Variants in RECQL observed in about 807,000 individuals in gnomAD.
The protein encoded by RECQL is RecQ like helicase, also known as ATP-dependent DNA helicase Q1.
In RECQL, 73 loss-of-function variants were observed where a neutral mutation model predicts 75.8. The ratio of observed to expected loss-of-function variants is 0.96; its 90% confidence interval spans 0.80 to 1.17. RECQL has a LOEUF of 1.17. Among genes scored for constraint, RECQL ranks in the 50% most tolerant of loss-of-function variants. The pLI, the probability that RECQL is intolerant of heterozygous loss-of-function variation, is 0.00. For synonymous variants in RECQL, 248 were observed against 254.4 expected (o/e 0.97, Z 0.24); for missense variants, 699 against 772.1 (o/e 0.91, Z 1.12).
Position 21,475,716 on chromosome 12 carries a change from T to G in RECQL, c.1058A>C (p.Lys353Thr). ...TGACCATTTTCTATGAACTGTGGTC[T>G]TATCTTCTGGCTCCAAATTGGCATG... ...AYHANLEPED[K>T]TTVHRKWSAN... is the part of the protein sequence containing the mutation. Residue 353 changes from lysine to threonine, a missense_variant, in exon 9 of 15, where the codon AAG becomes ACG. This residue lies in a region of RECQL where 669 missense variants were observed against 713.5 expected (regional missense o/e 0.94). Coordinates refer to ENST00000444129, the MANE Select transcript of RECQL (RefSeq NM_002907.4). The G allele has an allele frequency of 6.2e-7, 1 of 1,613,534 alleles. No individual in the cohort carries two copies. Among genetic ancestry groups the G allele is most frequent in the Non-Finnish European group, 8.5e-7 (1 of 1,179,550 alleles).
chr12:21,477,703 G>T, intron 7 of RECQL, 100 bp downstream of exon 7: 2 of 905,052 alleles, frequency 2.2e-6, no homozygotes, highest in South Asian at 2.4e-5. Flanking sequence ...AAAAATTTTT[G>T]TAAGTACTTA....
At chr12:21,482,661 G>A (rs1362198397) in intron 6 of RECQL, among the ~76,000 whole-genome samples, 2 of 152,156 alleles carry the variant, frequency 1.3e-5, no homozygotes, top group African/African-American at 2.4e-5. Context: ...GTGTCTGGAC[G>A]GGAAACAGAG....
At chr12:21,499,334 T>C (rs141893576) in intron 2 of RECQL, among the ~76,000 whole-genome samples, 80 of 152,302 alleles carry the variant, frequency 5.3e-4, no homozygotes, top group African/African-American at 1.9e-3. Context: ...TGGAGATGGA[T>C]AGTGGTGACG....
chr12:21,491,731 G>A lies in RECQL; in HGVS notation c.17-15C>T, dbSNP rs200928682. The A allele has an allele frequency of 8.5e-5, 136 of 1,597,424 alleles. No homozygotes were observed. Among genetic ancestry groups the A allele is most frequent in the Middle Eastern group, 3.3e-4 (2 of 5,984 alleles). The stretch of plus-strand genomic sequence containing the variant: ...CTCAGTTAGAGCTATGGGAGGCAGC[G>A]CGGATACAATGATTAGACAGAGTAA... On this transcript the variant is annotated splice_polypyrimidine_tract_variant and intron_variant, in intron 2 of 14. Transcript: ENST00000444129.
chr12:21,483,693 G>A, intron 5 of RECQL, 119 bp from the exon 6 acceptor site: 1 of 701,478 alleles, frequency 1.4e-6, no homozygotes. Flanking sequence ...GCTCTTCTAG[G>A]AGCAGATGTT....
At chr12:21,500,823 C>T (rs73071386) in intron 1 of RECQL, among the ~76,000 whole-genome samples, 3,959 of 152,260 alleles carry the variant, frequency 0.026, 62 homozygotes, top group Middle Eastern at 0.037. Context: ...ATATCCAATT[C>T]TCCCCCACGA....
intron 4 of RECQL, 45 bp downstream of exon 4, chr12:21,490,154 G>T: frequency 9.0e-7 from 1 of 1,117,138 alleles, no homozygotes; most frequent in South Asian, 1.7e-5. Context: ...AAGGTATGAT[G>T]ACAAAGCACT....
Position 21,471,624 on chromosome 12 carries a change from C to CTGTT in RECQL, c.1467_1470dup (p.Glu491AsnfsTer19). 1 of 1,612,468 alleles carries CTGTT rather than the reference C, an allele frequency of 6.2e-7. No homozygotes were observed. The highest frequency in any genetic ancestry group is 8.5e-7 in the Non-Finnish European group (1 of 1,178,908). Reference sequence around the variant, plus strand: ...ATCTTGATTAGATCTCTGCAGTACTCTGTTATGTTCTTTCTTTCAAATGCT... The same window carrying CTGTT: ...ATCTTGATTAGATCTCTGCAGTACTCTGTTTGTTATGTTCTTTCTTTCAAATGCT... On this transcript the variant is annotated frameshift_variant, in exon 13 of 15. Coordinates refer to ENST00000444129, the MANE Select transcript of RECQL (RefSeq NM_002907.4). LOFTEE classifies it high-confidence loss of function.
At position 21,474,862 on chromosome 12, in the gene RECQL, G is replaced by T; in HGVS notation, c.1334C>A (p.Ser445Ter). The T allele has an allele frequency of 6.2e-7, 1 of 1,612,880 alleles. No individual in the cohort carries two copies. Among genetic ancestry groups the T allele is most frequent in the Non-Finnish European group, 8.5e-7 (1 of 1,179,032 alleles). The change falls in exon 11 of 15, where the codon TCA becomes TAA. Residue 445 changes from serine to a stop codon, truncating the protein, a stop_gained. Coordinates refer to ENST00000444129, the MANE Select transcript of RECQL (RefSeq NM_002907.4). LOFTEE classifies it high-confidence loss of function. ...VGQQKLYEMV[S>*]YCQNISKCRR... ...TTACTTGCTTATGTTTTGACAGTAT[G>T]ATACCATCTCATAAAGCTTCTGCTG...
chr12:21,475,121 T>G lies in RECQL; in HGVS notation c.1217-142A>C, dbSNP rs1591972938. ...GATGTGGAAGTTAATTTGTAATGGGTACCCTCAAATTAAAAAAAACTCTAA... is the reference window on the plus strand; with the variant it reads ...GATGTGGAAGTTAATTTGTAATGGGGACCCTCAAATTAAAAAAAACTCTAA... On this transcript the variant is annotated intron_variant, in intron 10 of 14. Coordinates refer to ENST00000444129, the MANE Select transcript of RECQL (RefSeq NM_002907.4). 3 of 762,938 alleles carry G rather than the reference T, an allele frequency of 3.9e-6. No homozygotes were observed. The East Asian group carries it at 8.1e-5, about 21-fold the overall frequency. 47.3% of individuals were successfully genotyped at this position (762,938 alleles called of 1,614,324 possible).
In RECQL at chr12:21,475,737, G is replaced by T. The variant is rs1943073811; in HGVS notation, c.1037C>A (p.Ala346Asp). The change falls in exon 9 of 15, where the codon GCC becomes GAC. Residue 346 changes from alanine to aspartate, a missense_variant. Ala to Asp is a moderately radical substitution (Grantham distance 126). This residue lies in a region of RECQL where 669 missense variants were observed against 713.5 expected (regional missense o/e 0.94). Transcript: ENST00000444129. ...GGTCTTATCTTCTGGCTCCAAATTG[G>T]CATGGTAAGCACCTGCATGAATTCC... ...NLGIHAGAYHANLEPEDKTTV... is the reference protein window; with the variant it reads ...NLGIHAGAYHDNLEPEDKTTV... The T allele has an allele frequency of 6.2e-7, 1 of 1,613,398 alleles. No homozygotes were observed. The highest frequency in any genetic ancestry group is 8.5e-7 in the Non-Finnish European group (1 of 1,179,536).
At chr12:21,471,768 G>T in intron 12 of RECQL, 121 bp from the exon 13 acceptor site, 1 of 719,426 alleles carries the variant, frequency 1.4e-6, no homozygotes, top group Non-Finnish European at 2.3e-6. Flanking sequence ...CCTAAACATT[G>T]ATTTTTAAAT....
chr12:21,471,544 A>G lies in RECQL; in HGVS notation c.1551T>C (p.Asp517=), dbSNP rs1942964870. Residue 517 remains aspartate (D), a synonymous_variant, in exon 13 of 15, where the codon GAT becomes GAC. Coordinates refer to ENST00000444129, the MANE Select transcript of RECQL (RefSeq NM_002907.4). ...NEKLTPLKLI[D]SWMGKGAAKL... is the part of the protein sequence containing the mutation. ...TTGCTGCACCCTTTCCCATCCAAGA[A>G]TCAATCAGTTTCAATGGAGTGAGTT... The G allele has an allele frequency of 1.2e-6, 2 of 1,612,410 alleles. No individual in the cohort carries two copies. Among genetic ancestry groups the G allele is most frequent in the South Asian group, 2.2e-5 (2 of 90,784 alleles).
At chr12:21,488,311 T>C (rs1943344549) in intron 4 of RECQL, among the ~76,000 whole-genome samples, 1 of 152,222 alleles carries the variant, frequency 6.6e-6, no homozygotes, top group Non-Finnish European at 1.5e-5. Context: ...TCCTATATGT[T>C]GCTACTCTTT....
chr12:21,484,753 TG>T (rs1943257464), intron 5 of RECQL, among the ~76,000 whole-genome samples: 1 of 129,754 alleles, frequency 7.7e-6, no homozygotes, highest in Non-Finnish European at 1.7e-5. Flanking sequence ...ATATACATAT[TG>T]ATATATATAT....
At position 21,468,949 on chromosome 12, in the gene RECQL, C is replaced by CTT; in HGVS notation, c.*1243_*1244dup. 1.9e-6 allele frequency: 1 copy of CTT among 534,546 alleles called. No individual in the cohort carries two copies. The highest frequency in any genetic ancestry group is 2.2e-5 in the South Asian group (1 of 44,758). The allele number at this position is 534,546 out of a possible 1,614,324, so 33.1% of individuals were successfully genotyped here. On this transcript the variant is annotated 3_prime_UTR_variant, in exon 15 of 15. Coordinates refer to ENST00000444129, the MANE Select transcript of RECQL (RefSeq NM_002907.4). ...GTTCAAAGTTTATTTATAGATATAT[C>CTT]TTTCCAATACAACACTGACCGCTTA... is the stretch of plus-strand genomic sequence containing the variant.
chr12:21,484,984 C>T (rs963094841), intron 5 of RECQL, among the ~76,000 whole-genome samples: 6 of 151,824 alleles, frequency 4.0e-5, no homozygotes, highest in Non-Finnish European at 5.9e-5. Flanking sequence ...AAAAGTATAA[C>T]TAATACATGA....
chr12:21,475,804 G>A lies in RECQL; in HGVS notation c.970C>T (p.Gln324Ter), dbSNP rs1387446307. ...ACCGTAACTTGTTCAGAGTCTTTCT[G>A]AGAAAAACAATATATGATTCCTGCA... ...GQSGIIYCFS[Q>*]KDSEQVTVSL... is the part of the protein sequence containing the mutation. The change falls in exon 9 of 15, where the codon CAG becomes TAG. Residue 324 changes from glutamine to a stop codon, truncating the protein, a stop_gained. Coordinates refer to ENST00000444129, the MANE Select transcript of RECQL (RefSeq NM_002907.4). LOFTEE classifies it high-confidence loss of function. 1.9e-6 allele frequency: 3 copies of A among 1,612,124 alleles called. No individual in the cohort carries two copies. In the African/African-American group the frequency reaches 4.0e-5, roughly 22 times the overall value.
rs1188479462 is a variant in RECQL at position 21,486,466 on chromosome 12, C to T, written c.501+13G>A. ...TAGTTTACATTAAAAAAAAAAAAGC[C>T]ACTGAAACATACCTTAGAACTAGAA... On this transcript the variant is annotated intron_variant, in intron 5 of 14. Coordinates refer to ENST00000444129, the MANE Select transcript of RECQL (RefSeq NM_002907.4). 5.8e-6 allele frequency: 9 copies of T among 1,542,230 alleles called. No individual in the cohort carries two copies. The highest frequency in any genetic ancestry group is 7.8e-6 in the Non-Finnish European group (9 of 1,151,220).
Sources: gnomAD v4.1 joint callset for allele counts (sites outside exome capture counted in the v4.1 genomes callset) on GRCh38, gnomAD v4.1.1 for gene constraint, gnomAD v4.1.1 regional missense constraint, MANE v1.5 for transcripts, NCBI Gene and HGNC (gene_info 2026-07-23, HGNC 2026-07-21) for gene names.